The following ARHGEF3 variants were observed in gnomAD, a reference collection of about 807,000 sequenced individuals.
The protein encoded by ARHGEF3 is 59.8 kDA protein.
ARHGEF3 carries 28 observed loss-of-function variants against 63.2 expected under a neutral mutation model. The observed-to-expected ratio is 0.44, with a 90% confidence interval of 0.33 to 0.61. ARHGEF3 has a LOEUF of 0.61. Ranked by LOEUF, ARHGEF3 falls within the 20% of genes least tolerant of loss-of-function variation. ARHGEF3 has a pLI of 0.03. For missense variants in ARHGEF3, 533 were observed against 659.3 expected, an observed-to-expected ratio of 0.81 and a Z score of 2.10; for synonymous variants, 266 against 254.2, an observed-to-expected ratio of 1.05 and a Z score of -0.44.
At chr3:56,829,460 G>T (rs1037912482) in intron 4 of ARHGEF3, among the ~76,000 whole-genome samples, 1 of 152,154 alleles carries the variant, frequency 6.6e-6, no homozygotes, top group Non-Finnish European at 1.5e-5. Flanking sequence ...AAAGCCCATA[G>T]TTGGAATACT....
At chr3:57,007,469 G>GGCA (rs768030520) in intron 2 of ARHGEF3, 12 of 899,840 alleles carry the variant, frequency 1.3e-5, no homozygotes, top group Non-Finnish European at 1.8e-5. Flanking sequence ...AAAACAGGCA[G>GGCA]GCATCTTGGT....
chr3:56,999,976 TATC>T (rs1702125083), intron 2 of ARHGEF3, among the ~76,000 whole-genome samples: 1 of 152,160 alleles, frequency 6.6e-6, no homozygotes, highest in Middle Eastern at 3.2e-3. Flanking sequence ...ACCCTGACTC[TATC>T]ATATACTAGC....
chr3:57,018,242 G>A (rs1011801887), intron 2 of ARHGEF3, among the ~76,000 whole-genome samples: 4 of 134,682 alleles, frequency 3.0e-5, no homozygotes, highest in African/African-American at 1.1e-4. Context: ...TGGCACCCCT[G>A]CACACCAGCC....
intron 1 of ARHGEF3, among the ~76,000 whole-genome samples, chr3:56,788,263 C>T (rs1303592729): frequency 6.6e-6 from 1 of 152,130 alleles, no homozygotes; most frequent in Non-Finnish European, 1.5e-5. Context: ...TCAGTATTCC[C>T]CCTCCATAGT....
chr3:56,891,838 CG>C (rs370360168), intron 3 of ARHGEF3, among the ~76,000 whole-genome samples: 5 of 152,104 alleles, frequency 3.3e-5, no homozygotes, highest in African/African-American at 7.2e-5. Context: ...GTACAGGCAC[CG>C]GGGGGAAAAT....
At chr3:56,946,821 A>T (rs1322684221) in intron 3 of ARHGEF3, among the ~76,000 whole-genome samples, 1 of 152,188 alleles carries the variant, frequency 6.6e-6, no homozygotes, top group Non-Finnish European at 1.5e-5. Flanking sequence ...AAGACACATA[A>T]TTGTAAGATT....
chr3:56,978,678 C>A (rs1239569191), intron 2 of ARHGEF3, among the ~76,000 whole-genome samples: 1 of 152,200 alleles, frequency 6.6e-6, no homozygotes, highest in Non-Finnish European at 1.5e-5. Flanking sequence ...GAAATTTCCA[C>A]AGGGTAATTT....
chr3:56,929,497 A>G (rs1392705216), intron 3 of ARHGEF3, among the ~76,000 whole-genome samples: 1 of 152,196 alleles, frequency 6.6e-6, no homozygotes, highest in Admixed American at 6.5e-5. Flanking sequence ...GATCTCAATG[A>G]AATGCAGCTA....
At chr3:56,784,949 G>A (rs1447092555) in intron 1 of ARHGEF3, among the ~76,000 whole-genome samples, 1 of 152,180 alleles carries the variant, frequency 6.6e-6, no homozygotes, top group Non-Finnish European at 1.5e-5. Flanking sequence ...GAGACTAGGT[G>A]TATAATATGC....
intron 1 of ARHGEF3, among the ~76,000 whole-genome samples, chr3:57,063,464 T>C (rs2107357660): frequency 6.6e-6 from 1 of 152,048 alleles, no homozygotes; most frequent in Non-Finnish European, 1.5e-5. Context: ...GAGGGGAGAA[T>C]GACCTGGAGG....
chr3:57,043,914 G>A (rs1249823273), intron 1 of ARHGEF3, among the ~76,000 whole-genome samples: 1 of 152,220 alleles, frequency 6.6e-6, no homozygotes, highest in Non-Finnish European at 1.5e-5. Context: ...ATCATCCCTG[G>A]ACGCCAAACA....
intron 4 of ARHGEF3, among the ~76,000 whole-genome samples, chr3:56,813,742 T>C (rs1335153772): frequency 3.9e-5 from 6 of 152,162 alleles, no homozygotes; most frequent in African/African-American, 1.2e-4. Flanking sequence ...CCTGTAACAA[T>C]AGTTCACTAT....
At chr3:57,003,014 C>G (rs1264619280) in intron 2 of ARHGEF3, among the ~76,000 whole-genome samples, 1 of 151,678 alleles carries the variant, frequency 6.6e-6, no homozygotes, top group African/African-American at 2.4e-5. Context: ...GGTGATCCCA[C>G]CCACCTCGGC....
intron 1 of ARHGEF3, among the ~76,000 whole-genome samples, chr3:57,061,904 C>T (rs1454299508): frequency 1.3e-5 from 2 of 152,112 alleles, no homozygotes; most frequent in East Asian, 1.9e-4. Context: ...TATCTGAGCC[C>T]GCATAGGTTC....
intron 1 of ARHGEF3, chr3:57,076,901 C>T (rs777848638): frequency 2.0e-5 from 3 of 152,120 alleles, no homozygotes; most frequent in Non-Finnish European, 2.9e-5. Context: ...ACCTATAAAT[C>T]AATGTATGAA....
chr3:56,901,814 A>AT (rs769451780), intron 3 of ARHGEF3, among the ~76,000 whole-genome samples: 2 of 151,936 alleles, frequency 1.3e-5, no homozygotes, highest in Non-Finnish European at 2.9e-5. Flanking sequence ...TGGCTGCAAT[A>AT]TTTTTGTCAA....
intron 2 of ARHGEF3, among the ~76,000 whole-genome samples, chr3:57,025,864 A>G (rs917354627): frequency 6.6e-6 from 1 of 152,322 alleles, no homozygotes; most frequent in African/African-American, 2.4e-5. Context: ...TCATTAGAGA[A>G]GACGATTCCT....
intron 1 of ARHGEF3, among the ~76,000 whole-genome samples, chr3:56,787,424 C>T (rs889767397): frequency 3.9e-5 from 6 of 152,234 alleles, no homozygotes; most frequent in African/African-American, 7.2e-5. Flanking sequence ...CTACACCTGA[C>T]GCAGGTGTGA....
chr3:56,781,735 T>C (rs1002087828), intron 1 of ARHGEF3, among the ~76,000 whole-genome samples: 1 of 152,260 alleles, frequency 6.6e-6, no homozygotes, highest in African/African-American at 2.4e-5. Flanking sequence ...TTGGAGGACT[T>C]TGTGACTTTG....
Sources: allele counts gnomAD v4.1 joint callset (sites outside exome capture counted in the v4.1 genomes callset), GRCh38; gene constraint gnomAD v4.1.1; transcripts MANE v1.5; gene names NCBI Gene and HGNC (gene_info 2026-07-23, HGNC 2026-07-21).